Variants in GBP6 observed in about 807,000 individuals in gnomAD.
GBP6 encodes guanylate-binding protein 6.
Under a neutral mutation model 61.5 loss-of-function variants are expected in GBP6, and 54 were observed. The ratio of observed to expected loss-of-function variants is 0.88; its 90% CI spans 0.71 to 1.10. GBP6 has a LOEUF of 1.10. Among genes scored for constraint, GBP6 ranks in the 50% least tolerant of loss-of-function variants. The pLI is 0.00. For synonymous variants in GBP6, 255 were observed against 273.7 expected, an observed-to-expected ratio of 0.93 and a Z score of 0.67; for missense variants, 748 against 752.8, an observed-to-expected ratio of 0.99 and a Z score of 0.07.
At chr1:89,365,856 G>T (rs1245403577) in intron 1 of GBP6, among the ~76,000 whole-genome samples, 1 of 152,116 alleles carries the variant, frequency 6.6e-6, no homozygotes, top group East Asian at 1.9e-4. Context: ...TGGTATTTTT[G>T]GTGGCATTAG....
At chr1:89,375,666 A>G (rs147225547) in intron 3 of GBP6, among the ~76,000 whole-genome samples, 1,747 of 152,270 alleles carry the variant, frequency 0.011, 18 homozygotes, top group Non-Finnish European at 0.019. Flanking sequence ...CCCTTATCAA[A>G]TATATGGTTT....
rs747047450 is a variant in GBP6 at position 89,378,608 on chromosome 1, T to C, written c.620T>C (p.Ile207Thr). The C allele has an allele frequency of 3.9e-5, 63 of 1,611,264 alleles. No individual in the cohort carries two copies. The South Asian group carries it at 6.5e-4, about 17-fold the overall frequency. Residue 207 changes from isoleucine (I) to threonine (T), a missense_variant, in exon 5 of 11, where the codon ATT (isoleucine) becomes ACT (threonine). Coordinates refer to ENST00000370456, the MANE Select transcript of GBP6 (RefSeq NM_198460.3). The stretch of plus-strand genomic sequence containing the variant: ...TACCTGGAGAATGCCTTGAAGCTGA[T>C]TCAAGGTATCAGAATGTGGCCTGGG... ...DEYLENALKL[I>T]QGNNPRVQTS...
At position 89,371,972 on chromosome 1, in the gene GBP6, G is replaced by A. The variant is rs1462787076; in HGVS notation, c.318+2299G>A. Among the ~76,000 whole-genome samples the A allele has an allele frequency of 2.0e-5, 3 of 152,146 alleles. No homozygotes were observed. In the East Asian group the frequency reaches 5.8e-4, roughly 29 times the overall value. On this transcript the variant is annotated intron_variant, in intron 3 of 10. Transcript: ENST00000370456. ...ATAAGCAACTTCAGCAAAGTCTCAG[G>A]ATACAAAATCAATGTGCAAAAATCA...
chr1:89,382,054 G>A, intron 7 of GBP6, 80 bp downstream of exon 7: 1 of 1,348,796 alleles, frequency 7.4e-7, no homozygotes, highest in South Asian at 1.4e-5. Context: ...TGTCACCAAT[G>A]CTCATCTGTC....
At chr1:89,368,014 TA>T (rs1459349905) in intron 1 of GBP6, among the ~76,000 whole-genome samples, 1 of 152,224 alleles carries the variant, frequency 6.6e-6, no homozygotes, top group Non-Finnish European at 1.5e-5. Context: ...AGAGCTCCTA[TA>T]AGATCATTTT....
rs369820127 is a variant in GBP6 at position 89,381,801 on chromosome 1, G to A, written c.979G>A (p.Val327Met). 5.6e-6 allele frequency: 9 copies of A among 1,614,024 alleles called. No individual in the cohort carries two copies. The highest frequency in any genetic ancestry group is 4.0e-5 in the African/African-American group (3 of 74,900). The change falls in exon 7 of 11, where the codon GTG becomes ATG. Residue 327 changes from valine to methionine, a missense_variant. By Grantham distance (21) the Val-to-Met change is conservative. Transcript: ENST00000370456. ...TLAQRENSAAVQRAADYYSQQ... is the reference protein window; with the variant it reads ...TLAQRENSAAMQRAADYYSQQ... ...GGCCCAGCGTGAGAACTCAGCGGCC[G>A]TGCAGAGGGCAGCTGACTACTACAG...
Position 89,382,688 on chromosome 1 carries a change from G to T in GBP6, c.1177G>T (p.Asp393Tyr), listed in dbSNP as rs531273768. The change falls in exon 8 of 11, where the codon GAT becomes TAT. Residue 393 changes from aspartate (D) to tyrosine (Y), a missense_variant. Transcript: ENST00000370456. ...FMETTMNKKG[D>Y]FLLQNEESSV... ...GGAAACCACAATGAATAAGAAGGGGGATTTCTTGCTGCAGAATGAAGAGTC... is the reference window on the plus strand; with the variant it reads ...GGAAACCACAATGAATAAGAAGGGGTATTTCTTGCTGCAGAATGAAGAGTC... The T allele has an allele frequency of 2.9e-5, 47 of 1,614,084 alleles. No homozygotes were observed. In the Middle Eastern group the frequency reaches 8.2e-4, roughly 28 times the overall value.
chr1:89,384,306 C>T lies in GBP6; in HGVS notation c.1662+20C>T. 1.3e-6 allele frequency: 2 copies of T among 1,588,892 alleles called. No individual in the cohort carries two copies. Among genetic ancestry groups the T allele is most frequent in the Non-Finnish European group, 8.6e-7 (1 of 1,167,246 alleles). ...CAGAAGGTAAGTCTGCCCTTGGCCT[C>T]AGCAGGCCAGACGGTCCTCACCCAG... On this transcript the variant is annotated intron_variant, in intron 10 of 10. Transcript: ENST00000370456.
In GBP6 at chr1:89,384,237, G is replaced by A; in HGVS notation, c.1613G>A (p.Arg538Lys). The part of the protein sequence containing the change: ...AQLKEKLQME[R>K]EHLLREQIMM... ...CTGAAGGAGAAGCTGCAGATGGAGA[G>A]AGAACACCTACTGAGAGAGCAGATT... is the stretch of plus-strand genomic sequence containing the variant. The change falls in exon 10 of 11, where the codon AGA becomes AAA. Residue 538 changes from arginine to lysine, a missense_variant. Coordinates refer to ENST00000370456, the MANE Select transcript of GBP6 (RefSeq NM_198460.3). The A allele has an allele frequency of 3.1e-6, 5 of 1,613,928 alleles. No homozygotes were observed. The East Asian group carries it at 1.1e-4, about 36-fold the overall frequency.
rs1460818501 is a variant in GBP6 at position 89,364,392 on chromosome 1, C to T, written c.-24+265C>T. On this transcript the variant is annotated intron_variant, in intron 1 of 10. Coordinates refer to ENST00000370456, the MANE Select transcript of GBP6 (RefSeq NM_198460.3). The stretch of plus-strand genomic sequence containing the variant: ...GTGGCCTGGAATGAGCCCTGGTGGG[C>T]GCCTGCCTGGCTATCTCTCTCAGGT... Among the ~76,000 whole-genome samples, 16 of 152,320 alleles carry T rather than the reference C, an allele frequency of 1.1e-4. 1 individual carries two copies. The South Asian group carries it at 2.9e-3, about 28-fold the overall frequency.
At chr1:89,369,379 C>T (rs527547106) in intron 2 of GBP6, among the ~76,000 whole-genome samples, 167 bp from the exon 3 acceptor site, 9 of 152,160 alleles carry the variant, frequency 5.9e-5, no homozygotes, top group African/African-American at 9.7e-5. Flanking sequence ...TAATGTCCCT[C>T]GCTTTTTTAT....
intron 6 of GBP6, 83 bp from the exon 7 acceptor site, chr1:89,381,611 C>T: frequency 2.9e-6 from 4 of 1,398,924 alleles, no homozygotes; most frequent in Non-Finnish European, 3.9e-6. Flanking sequence ...TATGTAAGTG[C>T]ATGTGTGTGC....
intron 2 of GBP6, 139 bp downstream of exon 2, chr1:89,368,880 C>T (rs1431311138): frequency 1.5e-6 from 1 of 678,774 alleles, no homozygotes; most frequent in East Asian, 2.7e-5. Context: ...TTCTTACCAC[C>T]AAACCACTAC....
In GBP6 at chr1:89,386,331, C is replaced by A. The variant is rs1653145279; in HGVS notation, c.*862C>A. The A allele has an allele frequency of 6.6e-6, 1 of 152,176 alleles. No individual in the cohort carries two copies. The highest frequency in any genetic ancestry group is 1.5e-5 in the Non-Finnish European group (1 of 68,034). 9.4% of individuals were successfully genotyped at this position (152,176 alleles called of 1,614,324 possible). On this transcript the variant is annotated 3_prime_UTR_variant, in exon 11 of 11. Transcript: ENST00000370456. Reference sequence around the variant, plus strand: ...CAAGTGAATGTAGGGGTTGAAGGAACACATACTCTTCACTTTATACTCTTG... The same window carrying A: ...CAAGTGAATGTAGGGGTTGAAGGAAAACATACTCTTCACTTTATACTCTTG...
rs1557544099 is a variant in GBP6, at chr1:89,384,085, T to C, written c.1469-8T>C. 4.4e-6 allele frequency: 7 copies of C among 1,602,772 alleles called. No individual in the cohort carries two copies. The highest frequency in any genetic ancestry group is 1.7e-4 in the Middle Eastern group (1 of 5,964). ...TTTTCTTCTCTTTCTAATACCTTCA[T>C]GGAGCAGTGGATCGGGCCAAGAAGG... On this transcript the variant is annotated splice_region_variant and splice_polypyrimidine_tract_variant and intron_variant, in intron 9 of 10. Coordinates refer to ENST00000370456, the MANE Select transcript of GBP6 (RefSeq NM_198460.3).
In GBP6 at chr1:89,367,263, T is replaced by G. The variant is rs59930115; in HGVS notation, c.-23-1266T>G. ...TTCATAGTGACAGTACCAGTTTGCA[T>G]TCCATGAACAGTGCACACAGGTTCC... On this transcript the variant is annotated intron_variant, in intron 1 of 10. Coordinates refer to ENST00000370456, the MANE Select transcript of GBP6 (RefSeq NM_198460.3). Among the ~76,000 whole-genome samples, 16 of 152,316 alleles carry G rather than the reference T, an allele frequency of 1.1e-4. No homozygotes were observed. The East Asian group carries it at 3.1e-3, about 29-fold the overall frequency.
chr1:89,378,897 C>G (rs1022427583), intron 5 of GBP6, among the ~76,000 whole-genome samples: 5 of 152,126 alleles, frequency 3.3e-5, no homozygotes, highest in Admixed American at 3.3e-4. Context: ...TAACAAGATG[C>G]TTGTGATCTG....
Position 89,385,212 on chromosome 1 carries a change from T to G in GBP6, c.1663-18T>G. On this transcript the variant is annotated intron_variant, in intron 10 of 10. Transcript: ENST00000370456. ...AGGGATTTTTAAAAATTTACTTTCC[T>G]TCCTACATTGTCTTTAGGTCCAAAA... 1 of 1,600,812 alleles carries G rather than the reference T, an allele frequency of 6.2e-7. No individual in the cohort carries two copies. Among genetic ancestry groups the G allele is most frequent in the South Asian group, 1.1e-5 (1 of 89,268 alleles).
intron 8 of GBP6, 72 bp from the exon 9 acceptor site, chr1:89,383,580 T>C: frequency 1.8e-6 from 2 of 1,085,400 alleles, no homozygotes; most frequent in Non-Finnish European, 2.8e-6. Flanking sequence ...AAGACCATAA[T>C]TGTTCTTGCA....
Sources: allele counts gnomAD v4.1 joint callset (sites outside exome capture counted in the v4.1 genomes callset), GRCh38; gene constraint gnomAD v4.1.1; transcripts MANE v1.5; gene names NCBI Gene and HGNC (gene_info 2026-07-23, HGNC 2026-07-21).